Variants in FAM53B observed in about 807,000 individuals in gnomAD.
The protein encoded by FAM53B is protein FAM53B.
Under a neutral mutation model 32.7 loss-of-function variants are expected in FAM53B, and 12 were observed. The observed-to-expected ratio is 0.37, with a 90% CI of 0.24 to 0.59. The LOEUF (loss-of-function observed/expected upper bound fraction) is 0.59, where lower values mean the gene tolerates loss of function less well. FAM53B is among the 20% of genes least tolerant of loss of function. The pLI is 0.72. For synonymous variants in FAM53B, 234 were observed against 228.7 expected (o/e 1.02, Z -0.21); for missense variants, 477 against 577.7 (o/e 0.83, Z 1.79).
intron 1 of FAM53B, among the ~76,000 whole-genome samples, chr10:124,736,395 G>C (rs1399030787): frequency 6.6e-6 from 1 of 152,284 alleles, no homozygotes; most frequent in Non-Finnish European, 1.5e-5. Flanking sequence ...TCCTTCTGGA[G>C]ACTCAAAACC....
intron 4 of FAM53B, among the ~76,000 whole-genome samples, chr10:124,644,555 C>T (rs763497077): frequency 2.6e-5 from 4 of 152,238 alleles, no homozygotes; most frequent in Non-Finnish European, 4.4e-5. Flanking sequence ...GCCTGGCACT[C>T]AGCAACCCTT....
chr10:124,643,412 G>A (rs1397265606), intron 4 of FAM53B, among the ~76,000 whole-genome samples: 2 of 152,222 alleles, frequency 1.3e-5, no homozygotes, highest in African/African-American at 2.4e-5. Flanking sequence ...GTTTCTCGGC[G>A]CGGTGATTGC....
At chr10:124,737,933 T>C (rs1346476093) in intron 1 of FAM53B, among the ~76,000 whole-genome samples, 1 of 152,118 alleles carries the variant, frequency 6.6e-6, no homozygotes, top group Non-Finnish European at 1.5e-5. Context: ...AGAACTGCCC[T>C]GAAACCACAG....
intron 1 of FAM53B, among the ~76,000 whole-genome samples, chr10:124,721,857 A>G: frequency 6.6e-6 from 1 of 152,248 alleles, no homozygotes; most frequent in Non-Finnish European, 1.5e-5. Flanking sequence ...CGTTAGGCAC[A>G]GCCAAGATGG....
At chr10:124,689,140 T>G (rs1949818679) in intron 3 of FAM53B, among the ~76,000 whole-genome samples, 2 of 152,190 alleles carry the variant, frequency 1.3e-5, no homozygotes, top group African/African-American at 4.8e-5. Flanking sequence ...TAACTTGGCC[T>G]CAGGGCCACA....
chr10:124,692,822 T>C (rs1358317775), intron 3 of FAM53B, among the ~76,000 whole-genome samples: 1 of 149,008 alleles, frequency 6.7e-6, no homozygotes, highest in African/African-American at 2.5e-5. Flanking sequence ...CTTGAAAGGG[T>C]GGCATTTTAA....
chr10:124,646,026 C>A (rs1027597342), intron 4 of FAM53B, among the ~76,000 whole-genome samples: 1 of 152,142 alleles, frequency 6.6e-6, no homozygotes, highest in Non-Finnish European at 1.5e-5. Context: ...AACAGGGCCT[C>A]AGGGACTGCA....
intron 4 of FAM53B, among the ~76,000 whole-genome samples, chr10:124,642,553 T>G (rs534849907): frequency 6.2e-4 from 94 of 152,194 alleles, no homozygotes; most frequent in Non-Finnish European, 1.1e-3. Flanking sequence ...GGTGTCCCGC[T>G]CTGCCACAGC....
chr10:124,631,906 G>A (rs781706986), intron 4 of FAM53B, among the ~76,000 whole-genome samples: 1 of 152,202 alleles, frequency 6.6e-6, no homozygotes, highest in Non-Finnish European at 1.5e-5. Flanking sequence ...TGCCAAGCGT[G>A]CAGGGAACCC....
intron 4 of FAM53B, among the ~76,000 whole-genome samples, chr10:124,629,050 T>C (rs563605760): frequency 3.9e-5 from 6 of 152,376 alleles, no homozygotes; most frequent in African/African-American, 1.4e-4. Flanking sequence ...ACCCTGGGTG[T>C]TAATGTAGTT....
At position 124,718,045 on chromosome 10, in the gene FAM53B, G is replaced by A. The variant is rs955620223; in HGVS notation, c.-174-11158C>T. ...AGAACCCCCAAAGACACTGCACAGAGGGAAGGTAATCTCTCAGCAGCTGGG... is the reference window on the plus strand; with the variant it reads ...AGAACCCCCAAAGACACTGCACAGAAGGAAGGTAATCTCTCAGCAGCTGGG... On this transcript the variant is annotated intron_variant, in intron 1 of 4. Coordinates refer to ENST00000337318, the MANE Select transcript of FAM53B (RefSeq NM_014661.4). Among the ~76,000 whole-genome samples, 4 of 151,920 alleles carry A rather than the reference G, an allele frequency of 2.6e-5. No homozygotes were observed. In the East Asian group the frequency reaches 5.8e-4, roughly 22 times the overall value.
rs553035282 is a variant in FAM53B at position 124,703,667 on chromosome 10, A to AGAG, written c.78+2966_78+2968dup. ...TCTCATCTGGAGCCAAGGGGAGAGA[A>AGAG]GAGGAGGAGGAAGACCACAGATGGA... On this transcript the variant is annotated intron_variant, in intron 2 of 4. Transcript: ENST00000337318. 464 of 152,756 alleles carry AGAG rather than the reference A, an allele frequency of 3.0e-3. 3 individuals carry two copies. Among genetic ancestry groups the AGAG allele is most frequent in the Non-Finnish European group, 5.1e-3 (349 of 68,348 alleles). The allele number at this position is 152,756 out of a possible 1,614,324, so 9.5% of individuals were successfully genotyped here.
At chr10:124,694,383 C>G (rs375342432) in intron 3 of FAM53B, among the ~76,000 whole-genome samples, 1 of 152,270 alleles carries the variant, frequency 6.6e-6, no homozygotes, top group Non-Finnish European at 1.5e-5. Flanking sequence ...TTTTCCCACA[C>G]ACCTCCCTTC....
intron 4 of FAM53B, 72 bp downstream of exon 4, chr10:124,681,535 G>T: frequency 7.3e-7 from 1 of 1,374,064 alleles, no homozygotes; most frequent in Non-Finnish European, 9.8e-7. Flanking sequence ...ATCTATGCTT[G>T]TCTAGGACGG....
At chr10:124,632,627 C>A (rs1467410400) in intron 4 of FAM53B, among the ~76,000 whole-genome samples, 1 of 152,252 alleles carries the variant, frequency 6.6e-6, no homozygotes, top group African/African-American at 2.4e-5. Flanking sequence ...CTGCTGAGCA[C>A]GGCCTCTGGG....
chr10:124,691,851 C>A (rs1949834609), intron 3 of FAM53B, among the ~76,000 whole-genome samples: 1 of 152,220 alleles, frequency 6.6e-6, no homozygotes, highest in Admixed American at 6.5e-5. Flanking sequence ...CCCCGCTTCT[C>A]CCCACACAGG....
At chr10:124,662,419 C>T (rs935503134) in intron 4 of FAM53B, among the ~76,000 whole-genome samples, 3 of 152,052 alleles carry the variant, frequency 2.0e-5, no homozygotes. Context: ...TTCGTTCGTC[C>T]GTCCATCCAT....
At chr10:124,723,120 G>C (rs561312002) in intron 1 of FAM53B, among the ~76,000 whole-genome samples, 2 of 152,344 alleles carry the variant, frequency 1.3e-5, no homozygotes, top group East Asian at 3.9e-4. Flanking sequence ...GCAGAATGCA[G>C]AGCTTGAATC....
intron 4 of FAM53B, among the ~76,000 whole-genome samples, chr10:124,668,298 G>C (rs1221845351): frequency 1.3e-5 from 2 of 152,250 alleles, no homozygotes; most frequent in Non-Finnish European, 2.9e-5. Context: ...AGCTGTTTCT[G>C]AGCAGGACCA....
Sources: allele counts gnomAD v4.1 joint callset (sites outside exome capture counted in the v4.1 genomes callset), GRCh38; gene constraint gnomAD v4.1.1; transcripts MANE v1.5; gene names NCBI Gene and HGNC (gene_info 2026-07-23, HGNC 2026-07-21).